The following ZNF516 variants were observed in gnomAD, a reference collection of about 807,000 sequenced individuals.
The protein encoded by ZNF516 is zinc finger protein 516.
Under a neutral mutation model 79.7 loss-of-function variants are expected in ZNF516, and 19 were observed. That is an observed-to-expected ratio of 0.24 (90% confidence interval 0.17 to 0.35). The LOEUF (loss-of-function observed/expected upper bound fraction) is 0.35, where lower values mean the gene tolerates loss of function less well. ZNF516 is among the 10% of genes least tolerant of loss of function. The probability of loss-of-function intolerance (pLI) is 1.00; values close to 1 mark genes in which losing one functional copy is unlikely to be tolerated. For missense variants in ZNF516, 1,678 were observed against 1,679.5 expected (o/e 1.00, Z 0.02); for synonymous variants, 877 against 739.5 (o/e 1.19, Z -3.02).
intron 3 of ZNF516, among the ~76,000 whole-genome samples, chr18:76,382,753 A>G (rs2145059051): frequency 6.6e-6 from 1 of 152,286 alleles, no homozygotes; most frequent in Non-Finnish European, 1.5e-5. Context: ...TCTACTAAAA[A>G]CACAAAAATT....
At chr18:76,392,480 G>A (rs1439086222) in intron 3 of ZNF516, among the ~76,000 whole-genome samples, 2 of 152,046 alleles carry the variant, frequency 1.3e-5, no homozygotes, top group African/African-American at 4.8e-5. Flanking sequence ...GACCAGGAAA[G>A]CAGGAGGCCA....
intron 2 of ZNF516, among the ~76,000 whole-genome samples, chr18:76,453,186 A>T (rs1310968079): frequency 6.6e-6 from 1 of 152,212 alleles, no homozygotes; most frequent in Non-Finnish European, 1.5e-5. Flanking sequence ...TGCTGTTTAG[A>T]GCCCCTTCGT....
chr18:76,487,468 TCA>T (rs1290948472), intron 1 of ZNF516, among the ~76,000 whole-genome samples: 4 of 152,346 alleles, frequency 2.6e-5, no homozygotes, highest in Middle Eastern at 3.4e-3. Flanking sequence ...AAAATATTCT[TCA>T]GTTAGAAAAA....
At position 76,459,605 on chromosome 18, in the gene ZNF516, A is replaced by G. The variant is rs75165610; in HGVS notation, c.-158+3423T>C. ...CCAACAGCAACACTTCTCAACACCAAGCCTTTAAATGTCCAGCAGCTCCAC... is the reference window on the plus strand; with the variant it reads ...CCAACAGCAACACTTCTCAACACCAGGCCTTTAAATGTCCAGCAGCTCCAC... On this transcript the variant is annotated intron_variant, in intron 2 of 6. Transcript: ENST00000443185. This position sits in a 1 kb window ranked among gnomAD's most constrained non-coding sequence, Gnocchi z 5.0. Among the ~76,000 whole-genome samples the G allele has an allele frequency of 0.018, 2,774 of 152,264 alleles. 75 individuals are homozygous for G. The highest frequency in any genetic ancestry group is 0.061 in the African/African-American group (2,515 of 41,538).
intron 3 of ZNF516, among the ~76,000 whole-genome samples, chr18:76,423,789 G>T (rs1787450): frequency 2.3e-4 from 31 of 137,252 alleles, no homozygotes; most frequent in South Asian, 1.4e-3. Context: ...AGGTGAAAAG[G>T]TTCCCCCATG....
chr18:76,420,615 C>CA (rs1025629971), intron 3 of ZNF516, among the ~76,000 whole-genome samples: 3 of 151,956 alleles, frequency 2.0e-5, no homozygotes, highest in Non-Finnish European at 4.4e-5. Flanking sequence ...GACAGATGAT[C>CA]AAAAAAACTT....
chr18:76,491,625 G>A, intron 1 of ZNF516: 5 of 406,322 alleles, frequency 1.2e-5, no homozygotes, highest in African/African-American at 2.7e-5. Flanking sequence ...TTCCCGCCCC[G>A]CCCACGGCCC....
intron 4 of ZNF516, among the ~76,000 whole-genome samples, chr18:76,375,383 G>A (rs1402244457): frequency 6.6e-6 from 1 of 151,974 alleles, no homozygotes; most frequent in Non-Finnish European, 1.5e-5. Context: ...GTAGAGAGTG[G>A]ACGTGAAGGC....
intron 2 of ZNF516, among the ~76,000 whole-genome samples, chr18:76,461,609 C>T (rs995975355): frequency 2.6e-5 from 4 of 152,224 alleles, no homozygotes; most frequent in Non-Finnish European, 5.9e-5. Flanking sequence ...AAACGTTTTG[C>T]AATCTTGCCA....
chr18:76,455,278 TGG>T (rs1160695827), intron 2 of ZNF516, among the ~76,000 whole-genome samples: 2 of 152,254 alleles, frequency 1.3e-5, no homozygotes, highest in South Asian at 4.1e-4. Context: ...GTTTACGCAG[TGG>T]AAGAATGCAT....
Position 76,493,032 on chromosome 18 carries a change from G to A in ZNF516, c.-272+2112C>T, listed in dbSNP as rs907982633. 3.0e-6 allele frequency: 3 copies of A among 985,224 alleles called. No individual in the cohort carries two copies. Among genetic ancestry groups the A allele is most frequent in the Non-Finnish European group, 3.6e-6 (3 of 830,036 alleles). The allele number at this position is 985,224 out of a possible 1,614,324, so 61.0% of individuals were successfully genotyped here. On this transcript the variant is annotated intron_variant, in intron 1 of 6. Coordinates refer to ENST00000443185, the MANE Select transcript of ZNF516 (RefSeq NM_014643.4). This position sits in a 1 kb window ranked among gnomAD's most constrained non-coding sequence, Gnocchi z 5.2. ...TACCTCCGGGATGGAGAAAGCCGCT[G>A]CGGATTGGCCAGCAGAGCCGTCACT...
chr18:76,367,238 C>T (rs2074627161), intron 6 of ZNF516, among the ~76,000 whole-genome samples: 1 of 152,196 alleles, frequency 6.6e-6, no homozygotes, highest in Admixed American at 6.5e-5. Context: ...CTGTTCTAGT[C>T]CCTCAAATCT....
intron 1 of ZNF516, among the ~76,000 whole-genome samples, chr18:76,477,687 C>G (rs1479313364): frequency 6.6e-6 from 1 of 152,152 alleles, no homozygotes; most frequent in Non-Finnish European, 1.5e-5. Context: ...CTCAAGCACT[C>G]ACAAAATGAC....
chr18:76,412,490 G>A (rs1250385038), intron 3 of ZNF516, among the ~76,000 whole-genome samples: 6 of 152,106 alleles, frequency 3.9e-5, no homozygotes, highest in Admixed American at 6.5e-5. Flanking sequence ...GGGGACCGAC[G>A]GGAGCCCACA....
At chr18:76,439,049 C>A (rs114969418) in intron 3 of ZNF516, among the ~76,000 whole-genome samples, 2 of 152,092 alleles carry the variant, frequency 1.3e-5, no homozygotes, top group African/African-American at 4.8e-5. Context: ...CCCAAAGTTG[C>A]GTGTATTTTT....
intron 3 of ZNF516, among the ~76,000 whole-genome samples, chr18:76,406,391 C>T (rs1364853639): frequency 6.6e-6 from 1 of 152,132 alleles, no homozygotes; most frequent in Non-Finnish European, 1.5e-5. Context: ...TGGTGAAACC[C>T]CGTCTCTACT....
In ZNF516 at chr18:76,483,576, G is replaced by A. The variant is rs150929852; in HGVS notation, c.-272+11568C>T. 2.7e-3 allele frequency among the ~76,000 whole-genome samples: 409 copies of A among 152,174 alleles called. 1 individual carries two copies. Among genetic ancestry groups the A allele is most frequent in the African/African-American group, 9.3e-3 (388 of 41,514 alleles). On this transcript the variant is annotated intron_variant, in intron 1 of 6. Transcript: ENST00000443185. ...ATGTCCCCCGTCAGCTGGCCCACCC[G>A]CATTTCATCTTCCTGGCTTAAGAAG...
At chr18:76,490,532 C>T (rs372018760) in intron 1 of ZNF516, 1 of 161,076 alleles carries the variant, frequency 6.2e-6, no homozygotes, top group Non-Finnish European at 1.3e-5. Context: ...CAAAATACTT[C>T]AATCATATTA....
At chr18:76,472,537 AAC>A (rs1387588190) in intron 1 of ZNF516, among the ~76,000 whole-genome samples, 1 of 152,276 alleles carries the variant, frequency 6.6e-6, no homozygotes, top group Non-Finnish European at 1.5e-5. Context: ...CACACGCATG[AAC>A]ACACAGGTGT....
Sources: allele counts gnomAD v4.1 joint callset (sites outside exome capture counted in the v4.1 genomes callset), GRCh38; gene constraint gnomAD v4.1.1; non-coding constraint Gnocchi (gnomAD v3.1); transcripts MANE v1.5; gene names NCBI Gene and HGNC (gene_info 2026-07-23, HGNC 2026-07-21).